TXLNB: variants seen among roughly 807,000 people sequenced by gnomAD.
TXLNB encodes beta-taxilin.
Under a neutral mutation model 57.4 loss-of-function variants are expected in TXLNB, and 37 were observed. That is an observed-to-expected ratio of 0.64 (90% confidence interval 0.50 to 0.85). The LOEUF (loss-of-function observed/expected upper bound fraction) is 0.85. Among genes scored for constraint, TXLNB ranks in the 40% least tolerant of loss-of-function variants. The probability of loss-of-function intolerance (pLI) is 0.00; values close to 1 mark genes in which losing one functional copy is unlikely to be tolerated. For synonymous variants in TXLNB, 302 were observed against 309.6 expected (o/e 0.98, Z 0.26); for missense variants, 848 against 825.6 (o/e 1.03, Z -0.33).
chr6:139,208,506 C>T, the TXLNB span, among the ~76,000 whole-genome samples: 1 of 152,064 alleles, frequency 6.6e-6, no homozygotes, highest in Non-Finnish European at 1.5e-5. Flanking sequence ...AAACTACAGA[C>T]CAATATCTGT....
chr6:139,245,692 G>C lies in TXLNB; in HGVS notation c.1171-1002C>G, dbSNP rs560857612. Among the ~76,000 whole-genome samples the C allele has an allele frequency of 2.6e-5, 4 of 152,142 alleles. No individual in the cohort carries two copies. In the South Asian group the frequency reaches 8.3e-4, roughly 32 times the overall value. Reference sequence around the variant, plus strand: ...TAGTTAGTAGTTTGTAAACTTCTTTGTTTTCTTCTTTTTTGTTGTTGTTTG... The same window carrying C: ...TAGTTAGTAGTTTGTAAACTTCTTTCTTTTCTTCTTTTTTGTTGTTGTTTG... On this transcript the variant is annotated intron_variant, in intron 8 of 9. Coordinates refer to ENST00000358430, the MANE Select transcript of TXLNB (RefSeq NM_153235.4).
chr6:139,279,958 G>A (rs1052445053), intron 2 of TXLNB, among the ~76,000 whole-genome samples: 1 of 152,164 alleles, frequency 6.6e-6, no homozygotes, highest in African/African-American at 2.4e-5. Context: ...TTGGAAGGTG[G>A]AGAAATTATT....
the TXLNB span, among the ~76,000 whole-genome samples, chr6:139,187,406 G>T: frequency 7.1e-6 from 1 of 141,122 alleles, no homozygotes; most frequent in Non-Finnish European, 1.5e-5. Context: ...AGACTTGTAG[G>T]ATTTCCATTT....
In TXLNB at chr6:139,241,426, G is replaced by A. The variant is rs1467100292; in HGVS notation, c.*1100C>T. On this transcript the variant is annotated 3_prime_UTR_variant, in exon 10 of 10. Transcript: ENST00000358430. ...AGCTTTTAGAATATAGAATGGGTCT[G>A]ACAGCAAGAGATGAATATTATGTCT... is the stretch of plus-strand genomic sequence containing the variant. The A allele has an allele frequency of 6.6e-6, 1 of 152,250 alleles. No individual in the cohort carries two copies. Among genetic ancestry groups the A allele is most frequent in the African/African-American group, 2.4e-5 (1 of 41,466 alleles). 9.4% of individuals were successfully genotyped at this position (152,250 alleles called of 1,614,324 possible).
chr6:139,294,988 C>CAA, upstream of TXLNB, among the ~76,000 whole-genome samples: 1 of 134,988 alleles, frequency 7.4e-6, no homozygotes. Flanking sequence ...GACTCTGTCT[C>CAA]AAAAAAAAAA....
chr6:139,180,741 G>A, the TXLNB span: 1 of 152,604 alleles, frequency 6.6e-6, no homozygotes, highest in Non-Finnish European at 1.5e-5. Flanking sequence ...ATTGTGTGTG[G>A]TTTTAGAGGG....
the TXLNB span, among the ~76,000 whole-genome samples, chr6:139,193,063 T>A: frequency 6.6e-6 from 1 of 152,014 alleles, no homozygotes; most frequent in Admixed American, 6.5e-5. Context: ...TTCTCAGTCC[T>A]CATCATACTT....
At chr6:139,295,160 C>T (rs1275979835), upstream of TXLNB, among the ~76,000 whole-genome samples, 1 of 152,122 alleles carries the variant, frequency 6.6e-6, no homozygotes, top group Non-Finnish European at 1.5e-5. Flanking sequence ...ATCAAAATGA[C>T]ACTTACACAG....
At chr6:139,199,557 A>G in the TXLNB span, among the ~76,000 whole-genome samples, 1 of 152,214 alleles carries the variant, frequency 6.6e-6, no homozygotes, top group East Asian at 1.9e-4. Flanking sequence ...TCACTGCTAC[A>G]CATAATAGTG....
chr6:139,321,353 G>A, the TXLNB span, among the ~76,000 whole-genome samples: 4 of 152,138 alleles, frequency 2.6e-5, no homozygotes, highest in Admixed American at 2.6e-4. Context: ...TCTACCATAT[G>A]AAGATAAAGT....
chr6:139,264,121 A>G (rs577181308), intron 4 of TXLNB, among the ~76,000 whole-genome samples: 1 of 152,234 alleles, frequency 6.6e-6, no homozygotes, highest in Non-Finnish European at 1.5e-5. Flanking sequence ...TCTCAGGGGT[A>G]TTGAAGATAT....
the TXLNB span, among the ~76,000 whole-genome samples, chr6:139,192,817 G>C: frequency 7.3e-5 from 11 of 151,708 alleles, no homozygotes; most frequent in African/African-American, 2.7e-4. Flanking sequence ...CAAAAAATTA[G>C]CTGGGCATGG....
chr6:139,267,101 T>A (rs938878837), intron 4 of TXLNB, among the ~76,000 whole-genome samples: 1 of 151,678 alleles, frequency 6.6e-6, no homozygotes, highest in Non-Finnish European at 1.5e-5. Context: ...TACCAGCAGA[T>A]TTGTACTATA....
the TXLNB span, among the ~76,000 whole-genome samples, chr6:139,199,016 A>C: frequency 6.8e-6 from 1 of 147,486 alleles, no homozygotes; most frequent in African/African-American, 2.5e-5. Context: ...TCAATGTGCC[A>C]TCTCTTTCAT....
intron 7 of TXLNB, among the ~76,000 whole-genome samples, chr6:139,250,362 T>C (rs1243057385): frequency 2.0e-5 from 3 of 148,178 alleles, no homozygotes; most frequent in Non-Finnish European, 3.0e-5. Context: ...TCTTTCTTTT[T>C]TTTTTTTTTT....
chr6:139,270,344 T>A (rs975480758), intron 4 of TXLNB, 112 bp downstream of exon 4: 8 of 1,053,732 alleles, frequency 7.6e-6, no homozygotes, highest in Non-Finnish European at 1.1e-5. Context: ...AGAGGCAGTA[T>A]TTGAACCCAA....
At chr6:139,217,360 G>T in the TXLNB span, among the ~76,000 whole-genome samples, 1 of 152,186 alleles carries the variant, frequency 6.6e-6, no homozygotes, top group Non-Finnish European at 1.5e-5. Flanking sequence ...ACTTTGCACA[G>T]AAGCTTGCAA....
At chr6:139,315,232 T>G in the TXLNB span, among the ~76,000 whole-genome samples, 1 of 152,132 alleles carries the variant, frequency 6.6e-6, no homozygotes, top group Non-Finnish European at 1.5e-5. Flanking sequence ...CCCCACTTCC[T>G]AAGCCCCTAC....
At chr6:139,233,500 G>C in the TXLNB span, among the ~76,000 whole-genome samples, 1 of 151,634 alleles carries the variant, frequency 6.6e-6, no homozygotes, top group Non-Finnish European at 1.5e-5. Context: ...ACAGTGGCAG[G>C]AACATGGCTC....
Sources: allele counts gnomAD v4.1 joint callset (sites outside exome capture counted in the v4.1 genomes callset), GRCh38; gene constraint gnomAD v4.1.1; transcripts MANE v1.5; gene names NCBI Gene and HGNC (gene_info 2026-07-23, HGNC 2026-07-21).